The following AR variants were observed in gnomAD, a reference collection of about 807,000 sequenced individuals.
The protein encoded by AR is dihydrotestosterone receptor.
A neutral mutation model predicts 53.9 loss-of-function variants in AR; 8 were observed. That is an observed-to-expected ratio of 0.15 (90% CI 0.09 to 0.27). The LOEUF (loss-of-function observed/expected upper bound fraction) is 0.27. Ranked by LOEUF, AR falls within the 10% of genes least tolerant of loss-of-function variation. The pLI, the probability that AR is intolerant of heterozygous loss-of-function variation, is 1.00. For synonymous variants in AR, 359 were observed against 316.4 expected, an observed-to-expected ratio of 1.13 and a Z score of -1.43; for missense variants, 639 against 742.5, an observed-to-expected ratio of 0.86 and a Z score of 1.62.
intron 1 of AR, among the ~76,000 whole-genome samples, chrX:67,554,502 A>C (rs755187186): frequency 9.0e-6 from 1 of 111,728 alleles, no homozygotes; most frequent in African/African-American, 3.3e-5. Flanking sequence ...CTTCATTAAC[A>C]CTCTAGGCTA....
chrX:67,650,332 T>C (rs2147446453), intron 2 of AR, among the ~76,000 whole-genome samples: 1 of 112,048 alleles, frequency 8.9e-6, no homozygotes, highest in Admixed American at 9.4e-5. Flanking sequence ...CAGTAACCCT[T>C]ATCAATTTTT....
chrX:67,630,666 A>G (rs752517536), intron 1 of AR, among the ~76,000 whole-genome samples: 11 of 109,065 alleles, frequency 1.0e-4, no homozygotes, highest in African/African-American at 3.7e-4. Flanking sequence ...TTATGTGTGA[A>G]TTTTATCCTG....
At chrX:67,699,022 G>A (rs1196477332) in intron 3 of AR, among the ~76,000 whole-genome samples, 1 of 112,139 alleles carries the variant, frequency 8.9e-6, no homozygotes, top group East Asian at 2.8e-4. Flanking sequence ...CATTAAGGTA[G>A]TAATTAACGG....
chrX:67,707,603 T>A (rs867576219), intron 3 of AR, among the ~76,000 whole-genome samples: 1 of 111,918 alleles, frequency 8.9e-6, no homozygotes, highest in Non-Finnish European at 1.9e-5. Flanking sequence ...AATTTGCCAG[T>A]CTGTGTCTTT....
intron 1 of AR, among the ~76,000 whole-genome samples, chrX:67,590,834 G>T (rs1922795602): frequency 8.9e-6 from 1 of 112,267 alleles, no homozygotes; most frequent in African/African-American, 3.2e-5. Context: ...TGTAATCTAA[G>T]ATAGTGCTCC....
intron 1 of AR, among the ~76,000 whole-genome samples, chrX:67,622,327 A>G (rs1162042376): frequency 1.8e-5 from 2 of 111,373 alleles, no homozygotes; most frequent in Non-Finnish European, 3.8e-5. Context: ...TTGGAAAAAA[A>G]AAATTGGCTC....
Position 67,661,674 on chromosome X carries a change from T to C in AR, c.1768+18267T>C, listed in dbSNP as rs183837931. ...TTCTCTTTTTTGTTGTGTCTCTGCCTGGCTTTGGTATCAGGATGATGTTGG... is the reference window on the plus strand; with the variant it reads ...TTCTCTTTTTTGTTGTGTCTCTGCCCGGCTTTGGTATCAGGATGATGTTGG... On this transcript the variant is annotated intron_variant, in intron 2 of 7. Transcript: ENST00000374690. Among the ~76,000 whole-genome samples the C allele has an allele frequency of 2.3e-3, 252 of 111,512 alleles. 1 individual carries two copies. The highest frequency in any genetic ancestry group is 7.7e-3 in the African/African-American group (237 of 30,713).
At chrX:67,680,878 A>G (rs1266294947) in intron 2 of AR, 2 of 285,980 alleles carry the variant, frequency 7.0e-6, no homozygotes, top group Admixed American at 3.7e-5. Flanking sequence ...TTTGAATCAT[A>G]CTTAAGTTTT....
rs1458628221 is a variant in AR at position 67,680,619 on chromosome X, G to A, written c.1769-5391G>A. 9.5e-6 allele frequency: 3 copies of A among 315,336 alleles called. No homozygotes were observed. In the East Asian group the frequency reaches 3.0e-4, roughly 31 times the overall value. The allele number at this position is 315,336 out of a possible 1,213,427, so 26.0% of individuals were successfully genotyped here. Reference sequence around the variant, plus strand: ...CTACATTCTTCAGGATTCTCTGTAGGTTAACAATGAAGATGATGACTCAAC... The same window carrying A: ...CTACATTCTTCAGGATTCTCTGTAGATTAACAATGAAGATGATGACTCAAC... On this transcript the variant is annotated intron_variant, in intron 2 of 7. Coordinates refer to ENST00000374690, the MANE Select transcript of AR (RefSeq NM_000044.6).
At chrX:67,694,562 A>G in intron 3 of AR, 2 of 1,015,590 alleles carry the variant, frequency 2.0e-6, no homozygotes, top group Non-Finnish European at 2.5e-6. Flanking sequence ...CCAACTTTAC[A>G]TGCTGCTTCC....
chrX:67,590,016 T>C (rs569351093), intron 1 of AR, among the ~76,000 whole-genome samples: 10 of 112,027 alleles, frequency 8.9e-5, no homozygotes, highest in African/African-American at 2.9e-4. Context: ...AGTTGATTTT[T>C]GAGCTTCTTA....
At chrX:67,651,425 GTTA>G (rs1431634887) in intron 2 of AR, among the ~76,000 whole-genome samples, 1 of 110,825 alleles carries the variant, frequency 9.0e-6, no homozygotes, top group Non-Finnish European at 1.9e-5. Context: ...AGAGTGAGAG[GTTA>G]TTCTCTTGGT....
At chrX:67,684,075 A>G (rs1309965425) in intron 2 of AR, among the ~76,000 whole-genome samples, 1 of 111,475 alleles carries the variant, frequency 9.0e-6, no homozygotes, top group Non-Finnish European at 1.9e-5. Flanking sequence ...TTCTAACCTA[A>G]GCTTATTTCA....
intron 1 of AR, among the ~76,000 whole-genome samples, chrX:67,620,456 G>T (rs1456482709): frequency 9.1e-6 from 1 of 109,450 alleles, no homozygotes; most frequent in Non-Finnish European, 1.9e-5. Flanking sequence ...GGGGTAAATG[G>T]GGAGAAATTA....
At chrX:67,594,228 A>C (rs1000512087) in intron 1 of AR, among the ~76,000 whole-genome samples, 3 of 111,935 alleles carry the variant, frequency 2.7e-5, no homozygotes, top group African/African-American at 9.7e-5. Context: ...TCCTAGGTTC[A>C]AGCAATCCTT....
rs1290096681 is a variant in AR at position 67,609,421 on chromosome X, T to C, written c.1617-33835T>C. Among the ~76,000 whole-genome samples, 3 of 111,398 alleles carry C rather than the reference T, an allele frequency of 2.7e-5. No homozygotes were observed. In the Admixed American group the frequency reaches 2.9e-4, roughly 11 times the overall value. On this transcript the variant is annotated intron_variant, in intron 1 of 7. Transcript: ENST00000374690. Reference sequence around the variant, plus strand: ...TCAACAACACTGGACATTATAAGTTTTTATTCTACCCTATTTTCCATTAAA... The same window carrying C: ...TCAACAACACTGGACATTATAAGTTCTTATTCTACCCTATTTTCCATTAAA...
intron 3 of AR, among the ~76,000 whole-genome samples, chrX:67,706,049 A>G (rs1384173078): frequency 8.9e-6 from 1 of 111,862 alleles, no homozygotes; most frequent in Non-Finnish European, 1.9e-5. Flanking sequence ...TCAGTTTGCC[A>G]GTATTGTATT....
rs1350948547 is a variant in AR at position 67,579,306 on chromosome X, G to T, written c.1616+32544G>T. 3.6e-5 allele frequency among the ~76,000 whole-genome samples: 4 copies of T among 111,769 alleles called. No individual in the cohort carries two copies. In the East Asian group the frequency reaches 1.1e-3, roughly 32 times the overall value. On this transcript the variant is annotated intron_variant, in intron 1 of 7. Coordinates refer to ENST00000374690, the MANE Select transcript of AR (RefSeq NM_000044.6). ...TTAATACATTTAGTGGTCTTGGCAA[G>T]CAGTTTTGTCTTCAGAAGGACACTG...
At chrX:67,662,968 G>A (rs753064131) in intron 2 of AR, among the ~76,000 whole-genome samples, 5 of 110,985 alleles carry the variant, frequency 4.5e-5, no homozygotes, top group Non-Finnish European at 5.7e-5. Context: ...TGTGTTTTCC[G>A]TTTGCTTGAT....
Sources: gnomAD v4.1 joint callset for allele counts (sites outside exome capture counted in the v4.1 genomes callset) on GRCh38, gnomAD v4.1.1 for gene constraint, MANE v1.5 for transcripts, NCBI Gene and HGNC (gene_info 2026-07-23, HGNC 2026-07-21) for gene names.